Variants in AKAP9 observed in about 807,000 individuals in gnomAD.
AKAP9 encodes A-kinase anchor protein 9.
AKAP9 carries 311 observed loss-of-function variants against 488.5 expected under a neutral mutation model. The observed-to-expected ratio is 0.64, with a 90% confidence interval of 0.58 to 0.70. The LOEUF is 0.70. AKAP9 is among the 30% of genes least tolerant of loss of function. AKAP9 has a pLI of 0.00. For synonymous variants in AKAP9, 1,462 were observed against 1,483.5 expected, an observed-to-expected ratio of 0.99 and a Z score of 0.33; for missense variants, 4,215 against 4,374.5, an observed-to-expected ratio of 0.96 and a Z score of 1.03.
chr7:92,022,602 C>T (rs1344549920), intron 13 of AKAP9, among the ~76,000 whole-genome samples: 1 of 152,112 alleles, frequency 6.6e-6, no homozygotes, highest in Non-Finnish European at 1.5e-5. Context: ...TTTAGGAGTA[C>T]TACAGCATGA....
chr7:91,990,398 T>C (rs1041731570), intron 3 of AKAP9, among the ~76,000 whole-genome samples: 1 of 152,128 alleles, frequency 6.6e-6, no homozygotes, highest in Non-Finnish European at 1.5e-5. Flanking sequence ...CTGTTCTAAC[T>C]TTGGAATATA....
chr7:92,051,848 C>T (rs1170383494), intron 21 of AKAP9, among the ~76,000 whole-genome samples: 1 of 152,146 alleles, frequency 6.6e-6, no homozygotes, highest in East Asian at 1.9e-4. Context: ...AATGCCTCTT[C>T]AGGAAACTTC....
chr7:92,102,958 C>T, intron 46 of AKAP9, 132 bp downstream of exon 46: 1 of 833,818 alleles, frequency 1.2e-6, no homozygotes, highest in East Asian at 2.7e-5. Context: ...ATCACTGAAG[C>T]ATGTCTGCTT....
Position 92,002,508 on chromosome 7 carries a change from T to C in AKAP9, c.2591T>C (p.Leu864Ser). The change falls in exon 8 of 50, where the codon TTA becomes TCA. Residue 864 changes from leucine (L) to serine (S), a missense_variant. Transcript: ENST00000356239. ...EKNFEVNYQE[L>S]QEEYACLLKV... ...AACTTTGAAGTTAACTATCAAGAGT[T>C]ACAAGAGGAGTATGCTTGCCTTCTC... The C allele has an allele frequency of 6.2e-7, 1 of 1,611,328 alleles. No individual in the cohort carries two copies.
intron 2 of AKAP9, among the ~76,000 whole-genome samples, chr7:91,978,932 A>ATTT (rs34097770): frequency 1.1e-4 from 10 of 90,338 alleles, no homozygotes; most frequent in South Asian, 3.7e-4. Flanking sequence ...TAGTTTTTGT[A>ATTT]TTTTTTTTTT....
At chr7:92,017,233 A>G (rs1437573299) in intron 12 of AKAP9, 131 bp downstream of exon 12, 6 of 721,516 alleles carry the variant, frequency 8.3e-6, no homozygotes, top group Admixed American at 2.3e-5. Flanking sequence ...AAAGTGACAT[A>G]TATTTGTAGT....
chr7:92,074,607 C>G (rs965738292), intron 28 of AKAP9, among the ~76,000 whole-genome samples: 7 of 152,124 alleles, frequency 4.6e-5, no homozygotes, highest in Non-Finnish European at 1.5e-5. Flanking sequence ...GACTTGGAAC[C>G]AACCCAAATG....
Position 92,002,843 on chromosome 7 carries a change from C to T in AKAP9, c.2926C>T (p.Leu976=), listed in dbSNP as rs1229572417. The T allele has an allele frequency of 6.2e-7, 1 of 1,613,288 alleles. No individual in the cohort carries two copies. The highest frequency in any genetic ancestry group is 1.7e-5 in the Admixed American group (1 of 59,922). Residue 976 remains leucine, a synonymous_variant, in exon 8 of 50, where the codon CTA becomes TTA. Coordinates refer to ENST00000356239, the MANE Select transcript of AKAP9 (RefSeq NM_005751.5). ...ACAGAAACATGGTGAGATTAGTTTT[C>T]TAAATGAAGAAGTTAAATCTTTAAA... ...LKQKHGEISF[L]NEEVKSLKQE...
intron 3 of AKAP9, among the ~76,000 whole-genome samples, chr7:91,985,342 A>C (rs1033623174): frequency 6.6e-6 from 1 of 152,168 alleles, no homozygotes; most frequent in Non-Finnish European, 1.5e-5. Flanking sequence ...GAATTTTGTT[A>C]AAGGCCTTTT....
chr7:92,093,795 T>G (rs916240286), intron 39 of AKAP9, among the ~76,000 whole-genome samples: 6 of 152,166 alleles, frequency 3.9e-5, no homozygotes, highest in African/African-American at 1.2e-4. Flanking sequence ...GATTCCCATG[T>G]TCAGTAAAAG....
At chr7:91,951,099 G>A (rs1792183026) in intron 1 of AKAP9, among the ~76,000 whole-genome samples, 1 of 151,488 alleles carries the variant, frequency 6.6e-6, no homozygotes, top group African/African-American at 2.4e-5. Flanking sequence ...GATAATTTGA[G>A]GTTTTTTTTT....
At chr7:91,956,325 G>T (rs1000947141) in intron 1 of AKAP9, among the ~76,000 whole-genome samples, 1 of 151,174 alleles carries the variant, frequency 6.6e-6, no homozygotes, top group African/African-American at 2.4e-5. Flanking sequence ...GCGTGGACCC[G>T]GGGGGCAGAA....
intron 17 of AKAP9, among the ~76,000 whole-genome samples, 188 bp downstream of exon 17, chr7:92,038,960 C>T (rs528690326): frequency 2.0e-5 from 3 of 152,262 alleles, no homozygotes; most frequent in South Asian, 2.1e-4. Context: ...GGGTGGAGTG[C>T]AGTGGCATGA....
Position 92,023,018 on chromosome 7 carries a change from C to T in AKAP9, c.4148+9C>T, listed in dbSNP as rs1230592762. On this transcript the variant is annotated intron_variant, in intron 14 of 49. Transcript: ENST00000356239. ...TCCACGGTTCCGCCAAGGTATTCAT[C>T]TGCTTATAGCTTCATTCAACAGTAT... The T allele has an allele frequency of 3.1e-6, 5 of 1,608,624 alleles. No individual in the cohort carries two copies. The highest frequency in any genetic ancestry group is 3.4e-6 in the Non-Finnish European group (4 of 1,175,006).
At chr7:92,108,654 T>C in intron 49 of AKAP9, 21 bp downstream of exon 49, 2 of 1,614,092 alleles carry the variant, frequency 1.2e-6, no homozygotes, top group South Asian at 1.1e-5. Flanking sequence ...TTTAACCACA[T>C]CTTGGCAGCA....
chr7:91,980,187 T>C (rs992124084), intron 2 of AKAP9, 102 bp from the exon 3 acceptor site: 9 of 631,316 alleles, frequency 1.4e-5, no homozygotes, highest in Non-Finnish European at 1.7e-5. Flanking sequence ...TGGTATTTTA[T>C]GTGACTTTTC....
rs377366603 is a variant in AKAP9 at position 92,057,686 on chromosome 7, A to G, written c.5602-3574A>G. 33 of 217,658 alleles carry G rather than the reference A, an allele frequency of 1.5e-4. No homozygotes were observed. The South Asian group carries it at 5.9e-3, about 39-fold the overall frequency. The allele number at this position is 217,658 out of a possible 1,614,324, so 13.5% of individuals were successfully genotyped here. On this transcript the variant is annotated intron_variant, in intron 22 of 49. Transcript: ENST00000356239. ...AATAATGTTACAACTGCATTTCTCA[A>G]GACTGCTGCTATGGAGATTTCAAAC...
intron 28 of AKAP9, among the ~76,000 whole-genome samples, chr7:92,074,625 A>G (rs925984069): frequency 6.6e-6 from 1 of 152,234 alleles, no homozygotes; most frequent in East Asian, 1.9e-4. Context: ...ATGTCCATTA[A>G]TGATAAACTG....
intron 14 of AKAP9, among the ~76,000 whole-genome samples, chr7:92,026,985 A>C (rs969680541): frequency 3.5e-4 from 23 of 66,112 alleles, no homozygotes; most frequent in South Asian, 1.1e-3. Context: ...CCGGCCGCCC[A>C]TTGTCTGGGA....
Sources: gnomAD v4.1 joint callset for allele counts (sites outside exome capture counted in the v4.1 genomes callset) on GRCh38, gnomAD v4.1.1 for gene constraint, MANE v1.5 for transcripts, NCBI Gene and HGNC (gene_info 2026-07-23, HGNC 2026-07-21) for gene names.